Variants in PCDHGA7 observed in about 807,000 individuals in gnomAD.
The protein encoded by PCDHGA7 is protocadherin gamma-A7.
Under a neutral mutation model 58.3 loss-of-function variants are expected in PCDHGA7, and 44 were observed. The observed-to-expected ratio is 0.75, with a 90% CI of 0.59 to 0.97. The LOEUF (loss-of-function observed/expected upper bound fraction) is 0.97. PCDHGA7 is among the 50% of genes least tolerant of loss of function. PCDHGA7 has a pLI of 0.00. For synonymous variants in PCDHGA7, 516 were observed against 504.2 expected (o/e 1.02, Z -0.31); for missense variants, 1,266 against 1,188.7 (o/e 1.06, Z -0.96).
intron 1 of PCDHGA7, chr5:141,400,304 G>A (rs760976345): frequency 4.3e-6 from 7 of 1,613,930 alleles, no homozygotes; most frequent in African/African-American, 1.3e-5. Context: ...TTCCAACCTG[G>A]TCTCTGTGTC....
chr5:141,495,384 C>A (rs2099760896), intron 2 of PCDHGA7, among the ~76,000 whole-genome samples: 1 of 152,190 alleles, frequency 6.6e-6, no homozygotes, highest in African/African-American at 2.4e-5. Flanking sequence ...AAGGACTGGG[C>A]GGGGCATGGA....
rs764067454 is a variant in PCDHGA7 at position 141,413,998 on chromosome 5, G to C, written c.2424+28675G>C. On this transcript the variant is annotated intron_variant, in intron 1 of 3. Coordinates refer to ENST00000518325, the MANE Select transcript of PCDHGA7 (RefSeq NM_018920.4). Reference sequence around the variant, plus strand: ...GACAGTCACAGCCACCGACAGGGACGAAGGTGCCAATGGAGAAGTGACATA... The same window carrying C: ...GACAGTCACAGCCACCGACAGGGACCAAGGTGCCAATGGAGAAGTGACATA... 29 of 1,613,320 alleles carry C rather than the reference G, an allele frequency of 1.8e-5. No individual in the cohort carries two copies. The Admixed American group carries it at 4.8e-4, about 27-fold the overall frequency.
chr5:141,408,298 G>T (rs778209794), intron 1 of PCDHGA7: 1 of 1,613,704 alleles, frequency 6.2e-7, no homozygotes, highest in South Asian at 1.1e-5. Context: ...TGAGTGAGCC[G>T]ATCCGCTACT....
chr5:141,421,280 G>T (rs564480755), intron 1 of PCDHGA7: 1 of 1,612,948 alleles, frequency 6.2e-7, no homozygotes, highest in African/African-American at 1.3e-5. Context: ...CTGCTGCTGT[G>T]CATTTTCCTG....
At chr5:141,447,230 C>G (rs1309076828) in intron 1 of PCDHGA7, among the ~76,000 whole-genome samples, 1 of 152,132 alleles carries the variant, frequency 6.6e-6, no homozygotes, top group Non-Finnish European at 1.5e-5. Flanking sequence ...ACCTCCGCCT[C>G]CCGGGTTCAA....
chr5:141,407,661 T>G (rs964293417), intron 1 of PCDHGA7, among the ~76,000 whole-genome samples: 13 of 152,164 alleles, frequency 8.5e-5, no homozygotes, highest in African/African-American at 2.7e-4. Flanking sequence ...GAGCGCAGTA[T>G]ATATTAAACA....
In PCDHGA7 at chr5:141,431,620, G is replaced by T; in HGVS notation, c.2424+46297G>T. 6.2e-7 allele frequency: 1 copy of T among 1,614,232 alleles called. No individual in the cohort carries two copies. The highest frequency in any genetic ancestry group is 8.5e-7 in the Non-Finnish European group (1 of 1,180,050). Reference sequence around the variant, plus strand: ...ATTCCTTCCGGTATGTGGACGACAAGGCGGCCCAAGTTTTCAAACTAGATT... The same window carrying T: ...ATTCCTTCCGGTATGTGGACGACAATGCGGCCCAAGTTTTCAAACTAGATT... On this transcript the variant is annotated intron_variant, in intron 1 of 3. Transcript: ENST00000518325. The surrounding 1 kb of genome is among the most constrained non-coding windows in gnomAD (Gnocchi z 4.8).
At chr5:141,417,954 C>A (rs2096198021) in intron 1 of PCDHGA7, 3 of 1,613,600 alleles carry the variant, frequency 1.9e-6, no homozygotes, top group South Asian at 1.1e-5. Flanking sequence ...CTGTGTGAGC[C>A]GATCCGCTAC....
intron 1 of PCDHGA7, among the ~76,000 whole-genome samples, chr5:141,450,082 C>T (rs2098668421): frequency 6.8e-6 from 1 of 147,384 alleles, no homozygotes. Context: ...TCTTGGCTCA[C>T]TGCAACCTCC....
At chr5:141,394,549 C>T in intron 1 of PCDHGA7, 1 of 1,614,140 alleles carries the variant, frequency 6.2e-7, no homozygotes, top group Non-Finnish European at 8.5e-7. Flanking sequence ...GAGCTGGCGC[C>T]CCGCTCCGCA....
intron 1 of PCDHGA7, among the ~76,000 whole-genome samples, chr5:141,439,104 A>G (rs924055175): frequency 6.6e-6 from 1 of 151,676 alleles, no homozygotes; most frequent in African/African-American, 2.4e-5. Flanking sequence ...GAGGCAAGAG[A>G]ATCACTTGAA....
At chr5:141,455,903 ATTTATTT>A (rs2098836354) in intron 1 of PCDHGA7, among the ~76,000 whole-genome samples, 1 of 145,228 alleles carries the variant, frequency 6.9e-6, no homozygotes, top group African/African-American at 2.7e-5. Context: ...TTATTTATTT[ATTTATTT>A]ATTTTGAGAC....
At position 141,486,765 on chromosome 5, in the gene PCDHGA7, T is replaced by C; in HGVS notation, c.2425-8042T>C. On this transcript the variant is annotated intron_variant, in intron 1 of 3. Transcript: ENST00000518325. This position sits in a 1 kb window ranked among gnomAD's most constrained non-coding sequence, Gnocchi z 5.0. ...TTTGACTATGAGCAAACCCAGACACTGCAGTTTGAGGTGCAGGCCCGGGAT... is the reference window on the plus strand; with the variant it reads ...TTTGACTATGAGCAAACCCAGACACCGCAGTTTGAGGTGCAGGCCCGGGAT... 4 of 1,614,230 alleles carry C rather than the reference T, an allele frequency of 2.5e-6. No individual in the cohort carries two copies. Among genetic ancestry groups the C allele is most frequent in the Non-Finnish European group, 3.4e-6 (4 of 1,180,038 alleles).
chr5:141,421,945 AT>A (rs1473318347), intron 1 of PCDHGA7: 1 of 1,613,342 alleles, frequency 6.2e-7, no homozygotes, highest in Non-Finnish European at 8.5e-7. Flanking sequence ...AAATGATCAC[AT>A]CCCAATGTTT....
intron 1 of PCDHGA7, chr5:141,398,169 G>T (rs2093619628): frequency 5.4e-6 from 8 of 1,477,440 alleles, no homozygotes; most frequent in Admixed American, 2.6e-5. Flanking sequence ...CTGAGAGGCT[G>T]CCAGTGCTCT....
Position 141,382,846 on chromosome 5 carries a change from G to T in PCDHGA7, c.-54G>T. The T allele has an allele frequency of 1.4e-6, 2 of 1,475,644 alleles. No homozygotes were observed. The highest frequency in any genetic ancestry group is 9.1e-7 in the Non-Finnish European group (1 of 1,097,552). The allele number at this position is 1,475,644 out of a possible 1,614,324, so 91.4% of individuals were successfully genotyped here. A position where few individuals can be genotyped will look rare whatever the true frequency, so the allele number is the denominator to read the frequency against. On this transcript the variant is annotated 5_prime_UTR_variant, in exon 1 of 4. Transcript: ENST00000518325. ...CAGAGGGGTCCACCCGGATACACCC[G>T]CATTCTGAAGCACTTCCCGAGATCG...
rs777856819 is a variant in PCDHGA7, at chr5:141,487,572, T to A, written c.2425-7235T>A. On this transcript the variant is annotated intron_variant, in intron 1 of 3. Coordinates refer to ENST00000518325, the MANE Select transcript of PCDHGA7 (RefSeq NM_018920.4). The surrounding 1 kb of genome is among the most constrained non-coding windows in gnomAD (Gnocchi z 5.0). ...AGTGCACCTATGGCAGGGGAGCCTG[T>A]TCGCCCAAGCTGCCCACCCTCTGAT... 1 of 1,614,168 alleles carries A rather than the reference T, an allele frequency of 6.2e-7. No individual in the cohort carries two copies. Among genetic ancestry groups the A allele is most frequent in the Non-Finnish European group, 8.5e-7 (1 of 1,180,034 alleles).
chr5:141,418,670 G>T (rs767728571), intron 1 of PCDHGA7: 2 of 1,614,042 alleles, frequency 1.2e-6, no homozygotes, highest in Non-Finnish European at 1.7e-6. Context: ...TGACCAGGAC[G>T]AGGGCATCAA....
intron 1 of PCDHGA7, chr5:141,403,630 G>A (rs2094436948): frequency 3.1e-6 from 5 of 1,613,786 alleles, no homozygotes; most frequent in Middle Eastern, 3.3e-4. Flanking sequence ...CCAGCACAGT[G>A]CGCATCCATG....
Sources: gnomAD v4.1 joint callset for allele counts (sites outside exome capture counted in the v4.1 genomes callset) on GRCh38, gnomAD v4.1.1 for gene constraint, Gnocchi (gnomAD v3.1) non-coding constraint, MANE v1.5 for transcripts, NCBI Gene and HGNC (gene_info 2026-07-23, HGNC 2026-07-21) for gene names.